The following BDKRB2 variants were observed in gnomAD, a reference collection of about 807,000 sequenced individuals.
BDKRB2 encodes B2 bradykinin receptor.
BDKRB2 carries 6 observed loss-of-function variants against 4.0 expected under a neutral mutation model. The ratio of observed to expected loss-of-function variants is 1.49; its 90% CI spans 0.81 to 2.93. The LOEUF is 2.93. Ranked by LOEUF, BDKRB2 falls within the 30% of genes most tolerant of loss-of-function variation. The probability of loss-of-function intolerance (pLI) is 0.00; values close to 1 mark genes in which losing one functional copy is unlikely to be tolerated. For synonymous variants in BDKRB2, 225 were observed against 215.3 expected (o/e 1.05, Z -0.40); for missense variants, 478 against 520.1 (o/e 0.92, Z 0.79).
chr14:96,224,695 C>T (rs1595255468), intron 1 of BDKRB2, among the ~76,000 whole-genome samples: 1 of 152,308 alleles, frequency 6.6e-6, no homozygotes. Context: ...TTCCTGTCTT[C>T]TCTGCTTCTC....
At chr14:96,207,797 A>G (rs1890223957) in intron 1 of BDKRB2, among the ~76,000 whole-genome samples, 1 of 152,010 alleles carries the variant, frequency 6.6e-6, no homozygotes, top group South Asian at 2.1e-4. Flanking sequence ...CACACAGAGC[A>G]GATCTGCATG....
chr14:96,214,074 C>T (rs951204288), intron 1 of BDKRB2, among the ~76,000 whole-genome samples: 1 of 152,120 alleles, frequency 6.6e-6, no homozygotes, highest in Admixed American at 6.5e-5. Flanking sequence ...TGGGCCTCCC[C>T]ATGGTGGGCG....
At chr14:96,229,067 T>C (rs1169959263) in intron 1 of BDKRB2, among the ~76,000 whole-genome samples, 1 of 152,144 alleles carries the variant, frequency 6.6e-6, no homozygotes, top group Admixed American at 6.5e-5. Context: ...CCAGCAATTA[T>C]GTCTGCTGGG....
intron 2 of BDKRB2, chr14:96,238,022 G>C (rs531259346): frequency 2.6e-6 from 3 of 1,166,930 alleles, no homozygotes; most frequent in Non-Finnish European, 3.2e-6. Context: ...GTTGGACCAA[G>C]GGGACTACCC....
rs979441683 is a variant in BDKRB2, at chr14:96,237,111, T to A, written c.4T>A (p.Phe2Ile). 1.9e-6 allele frequency: 3 copies of A among 1,613,632 alleles called. No homozygotes were observed. The African/African-American group carries it at 4.0e-5, about 22-fold the overall frequency. The change falls in exon 2 of 3, where the codon TTC becomes ATC. Residue 2 changes from phenylalanine to isoleucine, a missense_variant. Coordinates refer to ENST00000554311, the MANE Select transcript of BDKRB2 (RefSeq NM_001379692.1). The stretch of plus-strand genomic sequence containing the variant: ...TCACATCCCACTCTGAGTCCAAATG[T>A]TCTCTCCCTGGAAGATATCAATGTT... M[F>I]SPWKISMFLS...
intron 2 of BDKRB2, chr14:96,239,651 C>T (rs1595265413): frequency 3.1e-6 from 3 of 954,116 alleles, no homozygotes; most frequent in Non-Finnish European, 3.7e-6. Context: ...TCTCTGATCC[C>T]TATCACAACC....
intron 2 of BDKRB2, chr14:96,239,278 A>C (rs1885202429): frequency 1.0e-6 from 1 of 974,394 alleles, no homozygotes; most frequent in Non-Finnish European, 1.2e-6. Flanking sequence ...GCCATGAAAA[A>C]AGAAATGCAA....
chr14:96,214,404 C>T (rs1459354468), intron 1 of BDKRB2, among the ~76,000 whole-genome samples: 1 of 152,170 alleles, frequency 6.6e-6, no homozygotes, highest in African/African-American at 2.4e-5. Flanking sequence ...TCCTGAGTGC[C>T]AGGGATGACC....
chr14:96,232,306 G>A (rs1471609495), intron 1 of BDKRB2, among the ~76,000 whole-genome samples: 2 of 152,170 alleles, frequency 1.3e-5, no homozygotes, highest in East Asian at 1.9e-4. Context: ...GTTAAATAAC[G>A]AGCTCTAGAG....
chr14:96,238,814 A>C (rs1595264897), intron 2 of BDKRB2: 1 of 985,254 alleles, frequency 1.0e-6, no homozygotes, highest in Non-Finnish European at 1.2e-6. Context: ...GTGTCCCACA[A>C]CCCCCCTGCT....
At chr14:96,227,673 G>A (rs114055647) in intron 1 of BDKRB2, among the ~76,000 whole-genome samples, 1,600 of 146,036 alleles carry the variant, frequency 0.011, 33 homozygotes, top group African/African-American at 0.039. Context: ...ACAAACACAC[G>A]TGTGCACACA....
At chr14:96,239,401 C>A in intron 2 of BDKRB2, 6 of 985,396 alleles carry the variant, frequency 6.1e-6, no homozygotes, top group Non-Finnish European at 7.2e-6. Context: ...CATGGCTGTC[C>A]AAGCCCCACG....
chr14:96,209,137 G>A (rs1595245179), intron 1 of BDKRB2, among the ~76,000 whole-genome samples: 1 of 143,278 alleles, frequency 7.0e-6, no homozygotes, highest in Non-Finnish European at 1.5e-5. Context: ...GGTCACCCAC[G>A]CAGGTGCGGG....
chr14:96,214,028 G>T (rs1239145866), intron 1 of BDKRB2, among the ~76,000 whole-genome samples: 3 of 152,178 alleles, frequency 2.0e-5, no homozygotes, highest in African/African-American at 7.2e-5. Context: ...GAGGAGCTGG[G>T]GCTGGAGAGA....
intron 1 of BDKRB2, among the ~76,000 whole-genome samples, chr14:96,232,471 A>G (rs1432658611): frequency 1.3e-5 from 2 of 152,248 alleles, no homozygotes; most frequent in East Asian, 1.9e-4. Flanking sequence ...TGCCACATCC[A>G]TGTCACCTGT....
Position 96,241,751 on chromosome 14 carries a change from G to A in BDKRB2, c.*247G>A. On this transcript the variant is annotated 3_prime_UTR_variant, in exon 3 of 3. Transcript: ENST00000554311. ...CACAACAGCATTACTGTTCTTATTTGCTGCCACACCTGAGCCAGCCTGCTC... is the reference window on the plus strand; with the variant it reads ...CACAACAGCATTACTGTTCTTATTTACTGCCACACCTGAGCCAGCCTGCTC... The A allele has an allele frequency of 1.7e-5, 8 of 460,370 alleles. No homozygotes were observed. Among genetic ancestry groups the A allele is most frequent in the South Asian group, 1.6e-4 (2 of 12,608 alleles). The allele number at this position is 460,370 out of a possible 1,614,324, so 28.5% of individuals were successfully genotyped here.
chr14:96,211,152 C>T (rs1252966083), intron 1 of BDKRB2: 2 of 152,284 alleles, frequency 1.3e-5, no homozygotes, highest in Admixed American at 6.5e-5. Flanking sequence ...TGTGCCCCGC[C>T]ATCCCTACCA....
chr14:96,221,449 A>AC (rs1566690301), intron 1 of BDKRB2, among the ~76,000 whole-genome samples: 6 of 152,164 alleles, frequency 3.9e-5, no homozygotes. Flanking sequence ...ATGTGGGCAC[A>AC]GTCCTAGCCC....
intron 1 of BDKRB2, among the ~76,000 whole-genome samples, chr14:96,221,658 TG>T (rs1466527379): frequency 6.6e-6 from 1 of 151,736 alleles, no homozygotes; most frequent in Non-Finnish European, 1.5e-5. Context: ...GGTGCTTGAG[TG>T]GTTGGTGCAA....
Sources: gnomAD v4.1 joint callset for allele counts (sites outside exome capture counted in the v4.1 genomes callset) on GRCh38, gnomAD v4.1.1 for gene constraint, MANE v1.5 for transcripts, NCBI Gene and HGNC (gene_info 2026-07-23, HGNC 2026-07-21) for gene names.